Variants in TIMM44 observed in about 807,000 individuals in gnomAD.
The protein encoded by TIMM44 is mitochondrial import inner membrane translocase subunit TIM44.
TIMM44 carries 37 observed loss-of-function variants against 63.8 expected under a neutral mutation model. That is an observed-to-expected ratio of 0.58 (90% confidence interval 0.45 to 0.76). The LOEUF (loss-of-function observed/expected upper bound fraction) is 0.76. Ranked by LOEUF, TIMM44 falls within the 30% of genes least tolerant of loss-of-function variation. The pLI, the probability that TIMM44 is intolerant of heterozygous loss-of-function variation, is 0.00. For synonymous variants in TIMM44, 239 were observed against 245.1 expected, an observed-to-expected ratio of 0.98 and a Z score of 0.23; for missense variants, 573 against 603.8, an observed-to-expected ratio of 0.95 and a Z score of 0.54.
intron 10 of TIMM44, among the ~76,000 whole-genome samples, chr19:7,929,700 G>A (rs1041853569): frequency 6.8e-6 from 1 of 146,962 alleles, no homozygotes; most frequent in African/African-American, 2.5e-5. Context: ...CCCCCCCCCA[G>A]TCATGTGGGA....
At chr19:7,935,401 G>C (rs565623542) in intron 3 of TIMM44, 1 of 491,774 alleles carries the variant, frequency 2.0e-6, no homozygotes, top group Non-Finnish European at 3.7e-6. Context: ...CTGACCTCAA[G>C]TGATCCACCC....
At position 7,932,932 on chromosome 19, in the gene TIMM44, C is replaced by T; in HGVS notation, c.770G>A (p.Arg257Gln). ...ATACTTCATCTTCATCTCGAAGAAC[C>T]CTGTGGAAGATGGGGTAGGTGCTGG... Reference protein sequence around the residue: ...DFKENNVVFNRFFEMKMKYDE... With the variant: ...DFKENNVVFNQFFEMKMKYDE... Residue 257 changes from arginine to glutamine, a missense_variant and splice_region_variant, in exon 8 of 13, where the codon CGG becomes CAG. Coordinates refer to ENST00000270538, the MANE Select transcript of TIMM44 (RefSeq NM_006351.4). 6.2e-7 allele frequency: 1 copy of T among 1,613,884 alleles called. No homozygotes were observed. The highest frequency in any genetic ancestry group is 8.5e-7 in the Non-Finnish European group (1 of 1,179,838).
At chr19:7,939,612 CAA>C (rs34322159) in intron 2 of TIMM44, among the ~76,000 whole-genome samples, 11,333 of 90,958 alleles carry the variant, frequency 0.12, 532 homozygotes, top group African/African-American at 0.24. Flanking sequence ...GACTCCATCT[CAA>C]AAAAAAAAAA....
Position 7,926,969 on chromosome 19 carries a change from G to A in TIMM44, c.*218C>T. ...GGGACCCCTGCAGGGCAGAGCAACA[G>A]GGCAGGGGTTGGCCCTGCGGGGGAG... On this transcript the variant is annotated 3_prime_UTR_variant, in exon 13 of 13. Transcript: ENST00000270538. 1.6e-6 allele frequency: 1 copy of A among 612,500 alleles called. No homozygotes were observed. Among genetic ancestry groups the A allele is most frequent in the Non-Finnish European group, 2.9e-6 (1 of 350,480 alleles). The allele number at this position is 612,500 out of a possible 1,614,324, so 37.9% of individuals were successfully genotyped here.
At position 7,933,805 on chromosome 19, in the gene TIMM44, T is replaced by TG; in HGVS notation, c.683+58dup. On this transcript the variant is annotated intron_variant, in intron 6 of 12. Transcript: ENST00000270538. The surrounding 1 kb of genome is among the most constrained non-coding windows in gnomAD (Gnocchi z 4.3). ...GGGAACCATTGGTGGGCTCCCGAAA[T>TG]GGACAGCAGTGAAAGCTGCCCAAAA... is the stretch of plus-strand genomic sequence containing the variant. The TG allele has an allele frequency of 1.9e-6, 3 of 1,610,634 alleles. No individual in the cohort carries two copies. The highest frequency in any genetic ancestry group is 2.5e-6 in the Non-Finnish European group (3 of 1,178,966).
chr19:7,941,828 C>T (rs1448923342), intron 1 of TIMM44, among the ~76,000 whole-genome samples: 4 of 152,296 alleles, frequency 2.6e-5, no homozygotes, highest in Middle Eastern at 3.4e-3. Flanking sequence ...AAAGTAGGCA[C>T]TCTAAGCTTC....
chr19:7,935,039 G>C lies in TIMM44; in HGVS notation c.393+26C>G, dbSNP rs377330277. 4.6e-5 allele frequency: 74 copies of C among 1,600,772 alleles called. No individual in the cohort carries two copies. In the East Asian group the frequency reaches 5.0e-4, roughly 11 times the overall value. On this transcript the variant is annotated intron_variant, in intron 4 of 12. Transcript: ENST00000270538. ...CCAGGGGACTTTGATGGCCCCAGCG[G>C]CTCCAGGCGGGCGTGGAACTGTTAC...
chr19:7,939,479 G>C (rs1166874223), intron 2 of TIMM44, among the ~76,000 whole-genome samples: 1 of 151,998 alleles, frequency 6.6e-6, no homozygotes, highest in Admixed American at 6.6e-5. Flanking sequence ...TGGGCGTGGT[G>C]GTGGGTGCCT....
chr19:7,942,985 A>T (rs1252513322), intron 1 of TIMM44, among the ~76,000 whole-genome samples: 1 of 145,522 alleles, frequency 6.9e-6, no homozygotes, highest in African/African-American at 2.5e-5. Context: ...AGTTGCAGTG[A>T]GCCGAGATCG....
chr19:7,932,524 G>T, intron 9 of TIMM44, 103 bp downstream of exon 9: 2 of 1,523,278 alleles, frequency 1.3e-6, no homozygotes, highest in African/African-American at 1.4e-5. Flanking sequence ...AACAGCCTCG[G>T]CAGCAGAGTT....
chr19:7,933,520 C>T lies in TIMM44; in HGVS notation c.734G>A (p.Trp245Ter). Residue 245 changes from tryptophan (W) to a stop codon, truncating the protein, a stop_gained, in exon 7 of 13, where the codon TGG (tryptophan) becomes TAG (stop). Transcript: ENST00000270538. LOFTEE classifies it high-confidence loss of function. This position sits in a 1 kb window ranked among gnomAD's most constrained non-coding sequence, Gnocchi z 4.3. The part of the protein sequence containing the change: ...LHKDSKWYQQ[W>*]KDFKENNVVF... ...CACGTTGTTCTCCTTGAAGTCCTTCCACTGCTGGTACCACTTGGAGTCCTT... is the reference window on the plus strand; with the variant it reads ...CACGTTGTTCTCCTTGAAGTCCTTCTACTGCTGGTACCACTTGGAGTCCTT... 1 of 1,614,162 alleles carries T rather than the reference C, an allele frequency of 6.2e-7. No homozygotes were observed. Among genetic ancestry groups the T allele is most frequent in the South Asian group, 1.1e-5 (1 of 91,084 alleles).
Position 7,927,074 on chromosome 19 carries a change from T to C in TIMM44, c.*113A>G, listed in dbSNP as rs150074803. The C allele has an allele frequency of 2.0e-5, 29 of 1,460,668 alleles. No homozygotes were observed. The African/African-American group carries it at 2.9e-4, about 15-fold the overall frequency. The allele number at this position is 1,460,668 out of a possible 1,614,324, so 90.5% of individuals were successfully genotyped here. The stretch of plus-strand genomic sequence containing the variant: ...GGTCTTGCAGCCGTCCTGGCAGAGC[T>C]GGGGGCAGAGCCCGCAGTCTTGTTC... On this transcript the variant is annotated 3_prime_UTR_variant, in exon 13 of 13. Transcript: ENST00000270538.
intron 10 of TIMM44, among the ~76,000 whole-genome samples, chr19:7,929,722 T>C (rs1316994033): frequency 1.3e-5 from 2 of 150,714 alleles, no homozygotes; most frequent in African/African-American, 2.4e-5. Context: ...ACCCACACTG[T>C]CCCTGACCCC....
chr19:7,937,734 G>C, intron 3 of TIMM44: 1 of 372,752 alleles, frequency 2.7e-6, no homozygotes. Context: ...AAGAAGCAAA[G>C]GGGCCCAACG....
chr19:7,930,476 C>T (rs1445367994), intron 10 of TIMM44, among the ~76,000 whole-genome samples: 1 of 151,666 alleles, frequency 6.6e-6, no homozygotes, highest in East Asian at 1.9e-4. Flanking sequence ...GCCTGGCTAA[C>T]TTTTTATTTT....
intron 2 of TIMM44, among the ~76,000 whole-genome samples, chr19:7,938,451 TGAG>T (rs1204641765): frequency 2.0e-5 from 3 of 152,052 alleles, no homozygotes; most frequent in African/African-American, 7.2e-5. Context: ...TTTAGGAGGC[TGAG>T]GAGGGAGGAT....
intron 2 of TIMM44, among the ~76,000 whole-genome samples, chr19:7,938,803 T>A (rs897349514): frequency 1.1e-4 from 16 of 151,780 alleles, no homozygotes; most frequent in African/African-American, 3.6e-4. Flanking sequence ...CGAGACTCCA[T>A]CTCAAATAAA....
In TIMM44 at chr19:7,934,985, G is replaced by A; in HGVS notation, c.393+80C>T. The A allele has an allele frequency of 7.4e-7, 1 of 1,357,226 alleles. No individual in the cohort carries two copies. Among genetic ancestry groups the A allele is most frequent in the Non-Finnish European group, 1.0e-6 (1 of 968,602 alleles). The allele number at this position is 1,357,226 out of a possible 1,614,324, so 84.1% of individuals were successfully genotyped here. On this transcript the variant is annotated intron_variant, in intron 4 of 12. Transcript: ENST00000270538. The surrounding 1 kb of genome is among the most constrained non-coding windows in gnomAD (Gnocchi z 5.3). Reference sequence around the variant, plus strand: ...CTGCTGCCAAGCCACCCCCACCCAGGAGCCGACTCTTCCTCCAGCCTCCAG... The same window carrying A: ...CTGCTGCCAAGCCACCCCCACCCAGAAGCCGACTCTTCCTCCAGCCTCCAG...
chr19:7,938,930 C>T (rs2145180434), intron 2 of TIMM44, among the ~76,000 whole-genome samples: 1 of 152,246 alleles, frequency 6.6e-6, no homozygotes, highest in East Asian at 1.9e-4. Flanking sequence ...GAAAAGGCTA[C>T]ATACTGTCTG....
Sources: allele counts gnomAD v4.1 joint callset (sites outside exome capture counted in the v4.1 genomes callset), GRCh38; gene constraint gnomAD v4.1.1; non-coding constraint Gnocchi (gnomAD v3.1); transcripts MANE v1.5; gene names NCBI Gene and HGNC (gene_info 2026-07-23, HGNC 2026-07-21).